The following NDUFAF1 variants were observed in gnomAD, a reference collection of about 807,000 sequenced individuals.
NDUFAF1 encodes complex I intermediate-associated protein 30, mitochondrial.
Under a neutral mutation model 28.7 loss-of-function variants are expected in NDUFAF1, and 18 were observed. The ratio of observed to expected loss-of-function variants is 0.63; its 90% CI spans 0.43 to 0.93. The LOEUF is 0.93. Ranked by LOEUF, NDUFAF1 falls within the 40% of genes least tolerant of loss-of-function variation. The probability of loss-of-function intolerance (pLI) is 0.00; values close to 1 mark genes in which losing one functional copy is unlikely to be tolerated. For missense variants in NDUFAF1, 404 were observed against 398.3 expected, an observed-to-expected ratio of 1.01 and a Z score of -0.12; for synonymous variants, 113 against 139.7, an observed-to-expected ratio of 0.81 and a Z score of 1.35.
intron 3 of NDUFAF1, among the ~76,000 whole-genome samples, chr15:41,391,151 C>A (rs1368250135): frequency 6.6e-6 from 1 of 151,558 alleles, no homozygotes; most frequent in Non-Finnish European, 1.5e-5. Context: ...TATAATAATT[C>A]ATTATATATA....
chr15:41,399,045 G>A (rs1001275234), intron 1 of NDUFAF1, among the ~76,000 whole-genome samples: 1 of 151,496 alleles, frequency 6.6e-6, no homozygotes, highest in African/African-American at 2.4e-5. Flanking sequence ...GCAGGCAAAT[G>A]ACTTGTCGTC....
intron 1 of NDUFAF1, among the ~76,000 whole-genome samples, chr15:41,399,577 G>T (rs1434265788): frequency 6.6e-6 from 1 of 150,406 alleles, no homozygotes; most frequent in South Asian, 2.1e-4. Context: ...AATACAGGCC[G>T]GGCGCGGTGG....
rs768979373 is a variant in NDUFAF1, at chr15:41,387,645, GATT to G, written c.835-55_835-53del. 6 of 1,468,910 alleles carry G rather than the reference GATT, an allele frequency of 4.1e-6. No individual in the cohort carries two copies. In the African/African-American group the frequency reaches 8.3e-5, roughly 20 times the overall value. 91.0% of individuals were successfully genotyped at this position (1,468,910 alleles called of 1,614,324 possible). A position where few individuals can be genotyped will look rare whatever the true frequency, so the allele number is the denominator to read the frequency against. On this transcript the variant is annotated intron_variant, in intron 4 of 4. Transcript: ENST00000260361. ...AAAATCTCATACAGTGACGTACTGA[GATT>G]ATTCCAGGAGTTTAAAATCCCATCA...
intron 1 of NDUFAF1, among the ~76,000 whole-genome samples, chr15:41,399,868 A>T (rs1595411393): frequency 1.3e-5 from 2 of 149,146 alleles, no homozygotes; most frequent in South Asian, 4.2e-4. Context: ...AAAAAAAAAA[A>T]AAAAAAAAAA....
At chr15:41,401,046 C>T (rs949452632) in intron 1 of NDUFAF1, among the ~76,000 whole-genome samples, 2 of 151,630 alleles carry the variant, frequency 1.3e-5, no homozygotes. Context: ...ATCTCCGCCT[C>T]CTGGGTTCAA....
At chr15:41,399,651 G>C (rs1254165939) in intron 1 of NDUFAF1, among the ~76,000 whole-genome samples, 1 of 151,344 alleles carries the variant, frequency 6.6e-6, no homozygotes, top group African/African-American at 2.4e-5. Flanking sequence ...TCAGGAGATC[G>C]AGACCATCCC....
At chr15:41,402,695 T>TG (rs2050482090), upstream of NDUFAF1, among the ~76,000 whole-genome samples, 1 of 151,668 alleles carries the variant, frequency 6.6e-6, no homozygotes. Flanking sequence ...CTCCTTCCTG[T>TG]ATCCTTTCAG....
chr15:41,395,630 A>G (rs1232322282), intron 2 of NDUFAF1, among the ~76,000 whole-genome samples: 1 of 147,800 alleles, frequency 6.8e-6, no homozygotes, highest in East Asian at 2.1e-4. Flanking sequence ...TTGGCCACCC[A>G]AAGTGTGGGG....
intron 1 of NDUFAF1, among the ~76,000 whole-genome samples, chr15:41,399,187 G>A (rs978158081): frequency 1.6e-4 from 24 of 152,062 alleles, no homozygotes; most frequent in African/African-American, 5.8e-4. Flanking sequence ...GATCACCTAG[G>A]ACAGGAGTTC....
chr15:41,387,697 AATGCT>A, intron 4 of NDUFAF1, 104 bp from the exon 5 acceptor site: 4 of 933,118 alleles, frequency 4.3e-6, no homozygotes, highest in Non-Finnish European at 6.8e-6. Context: ...ACTGGGTTTT[AATGCT>A]ATCAGCCCTT....
intron 1 of NDUFAF1, among the ~76,000 whole-genome samples, chr15:41,400,369 CAAAAAAAAA>C (rs1179539276): frequency 4.4e-5 from 4 of 91,840 alleles, no homozygotes; most frequent in Non-Finnish European, 6.8e-5. Flanking sequence ...AATTCCATCT[CAAAAAAAAA>C]AAAAAAAAAA....
intron 1 of NDUFAF1, 76 bp from the exon 2 acceptor site, chr15:41,397,216 G>C (rs545637124): frequency 4.7e-6 from 3 of 632,560 alleles, no homozygotes; most frequent in Non-Finnish European, 8.3e-6. Flanking sequence ...ACAGAAATCA[G>C]GTATTTTGAA....
chr15:41,402,420 AC>A lies in NDUFAF1; in HGVS notation c.-359del. On this transcript the variant is annotated 5_prime_UTR_variant, in exon 1 of 5. Coordinates refer to ENST00000260361, the MANE Select transcript of NDUFAF1 (RefSeq NM_016013.4). ...TGTCGCCTCCCCACACCCGGGACACACCAACCGCCGGCCTGCCGCCGCTTAC... is the reference window on the plus strand; with the variant it reads ...TGTCGCCTCCCCACACCCGGGACACACAACCGCCGGCCTGCCGCCGCTTAC... 1 of 438,414 alleles carries A rather than the reference AC, an allele frequency of 2.3e-6. No individual in the cohort carries two copies. Among genetic ancestry groups the A allele is most frequent in the Non-Finnish European group, 4.6e-6 (1 of 215,798 alleles). 27.2% of individuals were successfully genotyped at this position (438,414 alleles called of 1,614,324 possible). A position where few individuals can be genotyped will look rare whatever the true frequency, so the allele number is the denominator to read the frequency against.
At chr15:41,394,298 T>TG in intron 3 of NDUFAF1, 1 of 1,222,448 alleles carries the variant, frequency 8.2e-7, no homozygotes, top group Non-Finnish European at 1.1e-6. Context: ...CCTCCCAAAG[T>TG]GCTGGGATTA....
chr15:41,393,824 G>A (rs1345704040), intron 3 of NDUFAF1, among the ~76,000 whole-genome samples: 1 of 151,738 alleles, frequency 6.6e-6, no homozygotes, highest in African/African-American at 2.4e-5. Flanking sequence ...GCCCACCTCG[G>A]CCTCCCAAAG....
intron 3 of NDUFAF1, among the ~76,000 whole-genome samples, chr15:41,389,441 G>T (rs1267495708): frequency 2.6e-5 from 4 of 152,022 alleles, no homozygotes; most frequent in Non-Finnish European, 5.9e-5. Context: ...AACAGGTACA[G>T]AGTATGCTAA....
chr15:41,394,316 G>C (rs1199362943), intron 3 of NDUFAF1: 5 of 1,282,012 alleles, frequency 3.9e-6, no homozygotes, highest in East Asian at 5.6e-5. Flanking sequence ...TTACAGGTGT[G>C]AGCCACCACG....
At chr15:41,388,861 T>C (rs1595629648) in intron 3 of NDUFAF1, among the ~76,000 whole-genome samples, 1 of 151,558 alleles carries the variant, frequency 6.6e-6, no homozygotes, top group South Asian at 2.1e-4. Context: ...CACTTCAGCC[T>C]GGGCGATAGA....
intron 3 of NDUFAF1, among the ~76,000 whole-genome samples, chr15:41,393,638 G>C (rs935439973): frequency 8.1e-5 from 12 of 147,794 alleles, no homozygotes; most frequent in African/African-American, 3.0e-4. Context: ...CTGGAGAGCA[G>C]TGGCCCATCT....
Sources: allele counts gnomAD v4.1 joint callset (sites outside exome capture counted in the v4.1 genomes callset), GRCh38; gene constraint gnomAD v4.1.1; transcripts MANE v1.5; gene names NCBI Gene and HGNC (gene_info 2026-07-23, HGNC 2026-07-21).